GRK3: variants seen among roughly 807,000 people sequenced by gnomAD.
The protein encoded by GRK3 is G protein-coupled receptor kinase 3.
GRK3 carries 54 observed loss-of-function variants against 95.7 expected under a neutral mutation model. That is an observed-to-expected ratio of 0.56 (90% CI 0.45 to 0.71). The LOEUF (loss-of-function observed/expected upper bound fraction) is 0.71. Ranked by LOEUF, GRK3 falls within the 30% of genes least tolerant of loss-of-function variation. GRK3 has a pLI of 0.00. For missense variants in GRK3, 649 were observed against 851.2 expected (o/e 0.76, Z 2.96); for synonymous variants, 281 against 290.8 (o/e 0.97, Z 0.34).
chr22:25,608,716 G>C (rs549731170), intron 2 of GRK3, among the ~76,000 whole-genome samples: 9 of 152,332 alleles, frequency 5.9e-5, no homozygotes, highest in African/African-American at 2.2e-4. Context: ...TGGGTTTGGA[G>C]GCAGATTCCT....
intron 1 of GRK3, among the ~76,000 whole-genome samples, chr22:25,578,850 A>G (rs1176882468): frequency 6.6e-6 from 1 of 152,144 alleles, no homozygotes. Flanking sequence ...CAGATCTGTA[A>G]GAGAGTCAAT....
At chr22:25,637,034 C>A (rs1182998871) in intron 2 of GRK3, among the ~76,000 whole-genome samples, 2 of 152,166 alleles carry the variant, frequency 1.3e-5, no homozygotes, top group African/African-American at 4.8e-5. Context: ...ATTGCCCAAT[C>A]CATTGAGGGC....
intron 1 of GRK3, among the ~76,000 whole-genome samples, chr22:25,579,463 C>CT (rs1932023194): frequency 6.6e-6 from 1 of 151,534 alleles, no homozygotes; most frequent in Admixed American, 6.6e-5. Flanking sequence ...GAGGGGACTT[C>CT]TTTTTTTATT....
In GRK3 at chr22:25,713,688, A is replaced by G. The variant is rs1032907359; in HGVS notation, c.1492-720A>G. On this transcript the variant is annotated intron_variant, in intron 17 of 20. Coordinates refer to ENST00000324198, the MANE Select transcript of GRK3 (RefSeq NM_005160.4). Reference sequence around the variant, plus strand: ...AAATGTAGTTCACATGCAGAAAACCATTTTCTTTGCTCATATTCAAAATGC... The same window carrying G: ...AAATGTAGTTCACATGCAGAAAACCGTTTTCTTTGCTCATATTCAAAATGC... Among the ~76,000 whole-genome samples the G allele has an allele frequency of 3.5e-4, 54 of 152,330 alleles. No individual in the cohort carries two copies. The Middle Eastern group carries it at 0.014, about 38-fold the overall frequency.
Position 25,724,801 on chromosome 22 carries a change from A to G in GRK3, c.*2351A>G, listed in dbSNP as rs1250561080. The G allele has an allele frequency of 6.6e-6, 1 of 152,224 alleles. No individual in the cohort carries two copies. Among genetic ancestry groups the G allele is most frequent in the African/African-American group, 2.4e-5 (1 of 41,538 alleles). 9.4% of individuals were successfully genotyped at this position (152,224 alleles called of 1,614,324 possible). A position where few individuals can be genotyped will look rare whatever the true frequency, so the allele number is the denominator to read the frequency against. ...GCTGTGTCTGCACCCGGTTGCCTGC[A>G]TGGCCAGAGGAAAAGTCAGTTGGAT... On this transcript the variant is annotated 3_prime_UTR_variant, in exon 21 of 21. Transcript: ENST00000324198.
intron 19 of GRK3, among the ~76,000 whole-genome samples, chr22:25,720,451 G>A (rs1231339551): frequency 6.7e-6 from 1 of 148,318 alleles, no homozygotes; most frequent in Non-Finnish European, 1.5e-5. Context: ...TTCACTTTAA[G>A]GAATAATACT....
intron 13 of GRK3, among the ~76,000 whole-genome samples, chr22:25,698,694 A>C (rs900391082): frequency 6.6e-6 from 1 of 152,162 alleles, no homozygotes; most frequent in Non-Finnish European, 1.5e-5. Context: ...AAAGCTTTTC[A>C]GCGGAGCAGT....
At chr22:25,663,490 T>G in intron 4 of GRK3, 140 bp from the exon 5 acceptor site, 1 of 577,382 alleles carries the variant, frequency 1.7e-6, no homozygotes. Context: ...CAACAGATTT[T>G]TAAAGAATGT....
chr22:25,685,294 T>C, intron 10 of GRK3, 46 bp downstream of exon 10: 4 of 1,418,652 alleles, frequency 2.8e-6, no homozygotes, highest in Non-Finnish European at 4.0e-6. Flanking sequence ...GACTTTGCCA[T>C]GATGTTAAAT....
intron 14 of GRK3, 52 bp downstream of exon 14, chr22:25,703,628 A>T: frequency 8.0e-7 from 1 of 1,252,900 alleles, no homozygotes; most frequent in Non-Finnish European, 1.2e-6. Context: ...GTCATGCTTC[A>T]TTCCGTCAAT....
chr22:25,716,623 A>G (rs765283528), intron 18 of GRK3, among the ~76,000 whole-genome samples: 2 of 152,236 alleles, frequency 1.3e-5, no homozygotes, highest in Non-Finnish European at 2.9e-5. Context: ...TTCCTGAAAA[A>G]AAAAAATTAT....
chr22:25,683,867 A>T (rs1306996976), intron 9 of GRK3, among the ~76,000 whole-genome samples: 10 of 151,890 alleles, frequency 6.6e-5, no homozygotes, highest in Non-Finnish European at 1.5e-4. Flanking sequence ...AGAAGTTCTT[A>T]ATTTTATTTT....
chr22:25,623,289 A>C (rs2084600433), intron 2 of GRK3, among the ~76,000 whole-genome samples: 1 of 152,210 alleles, frequency 6.6e-6, no homozygotes, highest in Non-Finnish European at 1.5e-5. Flanking sequence ...GAGCTAGCTA[A>C]TGCGCAGAAA....
chr22:25,667,905 G>A (rs1279283116), intron 6 of GRK3, 105 bp downstream of exon 6: 2 of 672,930 alleles, frequency 3.0e-6, no homozygotes, highest in Non-Finnish European at 5.3e-6. Flanking sequence ...CATTTAGCAA[G>A]TATTCACTGA....
chr22:25,582,448 C>T (rs975341275), intron 1 of GRK3, among the ~76,000 whole-genome samples: 2 of 152,164 alleles, frequency 1.3e-5, no homozygotes, highest in Non-Finnish European at 2.9e-5. Context: ...GTGAAGATGT[C>T]AGGTCTCCAC....
chr22:25,675,310 G>A (rs775757180), intron 8 of GRK3, among the ~76,000 whole-genome samples: 2 of 152,222 alleles, frequency 1.3e-5, no homozygotes, highest in Non-Finnish European at 2.9e-5. Context: ...AGGAAGCCCT[G>A]TGGACAATGA....
intron 13 of GRK3, among the ~76,000 whole-genome samples, chr22:25,700,795 C>T (rs1055052097): frequency 5.3e-5 from 8 of 152,154 alleles, no homozygotes; most frequent in African/African-American, 1.2e-4. Flanking sequence ...CCTTGTTAGC[C>T]GGGATGGTCT....
intron 1 of GRK3, among the ~76,000 whole-genome samples, chr22:25,598,692 T>A (rs2084388770): frequency 6.6e-6 from 1 of 151,624 alleles, no homozygotes. Flanking sequence ...AAGGTGGCAA[T>A]TCTTCCCATA....
chr22:25,728,714 C>G lies in GRK3; in HGVS notation c.*6264C>G, dbSNP rs1427621347. The stretch of plus-strand genomic sequence containing the variant: ...GTAGCACATTTGAGTGTGACTTTTT[C>G]CCCCCTTCACTATTTCAAAATGGTT... On this transcript the variant is annotated 3_prime_UTR_variant, in exon 21 of 21. Coordinates refer to ENST00000324198, the MANE Select transcript of GRK3 (RefSeq NM_005160.4). 6.6e-6 allele frequency: 1 copy of G among 152,264 alleles called. No individual in the cohort carries two copies. Among genetic ancestry groups the G allele is most frequent in the South Asian group, 2.1e-4 (1 of 4,816 alleles). The allele number at this position is 152,264 out of a possible 1,614,324, so 9.4% of individuals were successfully genotyped here.
Sources: gnomAD v4.1 joint callset for allele counts (sites outside exome capture counted in the v4.1 genomes callset) on GRCh38, gnomAD v4.1.1 for gene constraint, MANE v1.5 for transcripts, NCBI Gene and HGNC (gene_info 2026-07-23, HGNC 2026-07-21) for gene names.